Variants in SGCD observed in about 807,000 individuals in gnomAD.
SGCD encodes sarcoglycan delta, also known as delta-sarcoglycan.
A neutral mutation model predicts 36.6 loss-of-function variants in SGCD; 18 were observed. The observed-to-expected ratio is 0.49, with a 90% CI of 0.34 to 0.73. The LOEUF is 0.73. Among genes scored for constraint, SGCD ranks in the 30% least tolerant of loss-of-function variants. The probability of loss-of-function intolerance (pLI) is 0.01; values close to 1 mark genes in which losing one functional copy is unlikely to be tolerated. For missense variants in SGCD, 387 were observed against 346.7 expected (o/e 1.12, Z -0.92); for synonymous variants, 133 against 130.6 (o/e 1.02, Z -0.12).
chr5:156,687,286 G>A (rs1753938093), intron 7 of SGCD, among the ~76,000 whole-genome samples: 1 of 152,132 alleles, frequency 6.6e-6, no homozygotes, highest in Non-Finnish European at 1.5e-5. Context: ...ACAAATGTGG[G>A]GGGCTCAGAT....
At chr5:156,056,863 T>C (rs1287581029) in intron 1 of SGCD, among the ~76,000 whole-genome samples, 2 of 145,724 alleles carry the variant, frequency 1.4e-5, no homozygotes, top group African/African-American at 4.9e-5. Flanking sequence ...GAAAGTACTT[T>C]ATGAATCCTC....
At chr5:156,243,550 A>C (rs1405707113) in intron 3 of SGCD, among the ~76,000 whole-genome samples, 2 of 152,212 alleles carry the variant, frequency 1.3e-5, no homozygotes, top group Admixed American at 6.5e-5. Context: ...TGTTTTATAT[A>C]TATGTAGAAT....
chr5:156,369,563 C>T (rs1406401826), intron 3 of SGCD, among the ~76,000 whole-genome samples: 1 of 152,210 alleles, frequency 6.6e-6, no homozygotes, highest in Admixed American at 6.5e-5. Context: ...ATGTGCCTTG[C>T]ATTTCACTAT....
intron 1 of SGCD, among the ~76,000 whole-genome samples, chr5:155,994,544 G>A (rs1415202284): frequency 6.6e-6 from 1 of 152,140 alleles, no homozygotes; most frequent in Non-Finnish European, 1.5e-5. Context: ...TACTCTGAGT[G>A]GAAGAAGTTC....
chr5:156,234,401 A>G (rs1232470769), intron 3 of SGCD, among the ~76,000 whole-genome samples: 2 of 152,248 alleles, frequency 1.3e-5, no homozygotes, highest in Non-Finnish European at 2.9e-5. Flanking sequence ...CAGAACTTAA[A>G]TAAATATTTG....
intron 1 of SGCD, among the ~76,000 whole-genome samples, chr5:155,995,880 A>G (rs1758530667): frequency 6.6e-6 from 1 of 151,542 alleles, no homozygotes; most frequent in South Asian, 2.1e-4. Context: ...TCTGGGGATA[A>G]TGGGAAACTT....
At chr5:156,647,795 G>A (rs889587203) in intron 7 of SGCD, among the ~76,000 whole-genome samples, 1 of 152,130 alleles carries the variant, frequency 6.6e-6, no homozygotes, top group East Asian at 1.9e-4. Flanking sequence ...GTTATGTGCT[G>A]TATTTTGTGG....
At chr5:156,266,001 TA>T (rs1208367820) in intron 3 of SGCD, among the ~76,000 whole-genome samples, 1 of 152,192 alleles carries the variant, frequency 6.6e-6, no homozygotes, top group Non-Finnish European at 1.5e-5. Flanking sequence ...TATAGATATT[TA>T]GATCTGCAAA....
At chr5:156,207,335 G>A (rs530602878) in intron 3 of SGCD, among the ~76,000 whole-genome samples, 20 of 152,200 alleles carry the variant, frequency 1.3e-4, no homozygotes, top group African/African-American at 4.3e-4. Context: ...GCCCAGCACT[G>A]TACTTTATAA....
chr5:156,393,046 G>A (rs368986059), intron 3 of SGCD, among the ~76,000 whole-genome samples: 25 of 152,268 alleles, frequency 1.6e-4, no homozygotes, highest in African/African-American at 5.3e-4. Context: ...GCCCAGGGTT[G>A]GAGCCCTAGC....
At chr5:155,983,540 T>A (rs1479983462) in intron 1 of SGCD, among the ~76,000 whole-genome samples, 1 of 152,178 alleles carries the variant, frequency 6.6e-6, no homozygotes, top group African/African-American at 2.4e-5. Flanking sequence ...CCTCAGATGA[T>A]CTGCCTGCCT....
chr5:155,903,361 C>A (rs1468038850), intron 1 of SGCD, among the ~76,000 whole-genome samples: 3 of 152,160 alleles, frequency 2.0e-5, no homozygotes, highest in African/African-American at 4.8e-5. Flanking sequence ...TCTCATGGGG[C>A]AGAGATTTTT....
At chr5:155,896,196 G>T (rs1756253756) in intron 1 of SGCD, among the ~76,000 whole-genome samples, 1 of 152,168 alleles carries the variant, frequency 6.6e-6, no homozygotes, top group Non-Finnish European at 1.5e-5. Context: ...GAGAGAATGT[G>T]CTGGAATGGA....
Position 156,127,878 on chromosome 5 carries a change from A to C in SGCD, c.-44+3859A>C, listed in dbSNP as rs868435889. ...GCAAAAAAAAAAAAAAAAAAAAAAA[A>C]AACCCACCAGAGATCTCCTGGAACA... On this transcript the variant is annotated intron_variant, in intron 3 of 9. Transcript: ENST00000517913. Among the ~76,000 whole-genome samples, 472 of 144,796 alleles carry C rather than the reference A, an allele frequency of 3.3e-3. 3 individuals carry two copies. Among genetic ancestry groups the C allele is most frequent in the African/African-American group, 0.011 (450 of 39,282 alleles). The allele number at this position is 144,796 out of a possible 152,430, so 95.0% of individuals were successfully genotyped here.
chr5:155,863,569 C>T, the SGCD span, among the ~76,000 whole-genome samples: 1 of 138,338 alleles, frequency 7.2e-6, no homozygotes, highest in East Asian at 2.4e-4. Context: ...TTACCGTCCT[C>T]TGCCTGAAGT....
chr5:156,357,425 T>A, intron 3 of SGCD, among the ~76,000 whole-genome samples: 1 of 152,236 alleles, frequency 6.6e-6, no homozygotes, highest in East Asian at 1.9e-4. Context: ...AATGAATGTC[T>A]TATAAACAGT....
intron 3 of SGCD, among the ~76,000 whole-genome samples, chr5:156,269,470 A>AC (rs1491495229): frequency 7.6e-4 from 17 of 22,274 alleles, no homozygotes; most frequent in Middle Eastern, 0.015. Context: ...ACTCCGTCTC[A>AC]AAAAAAAAAA....
At chr5:156,456,346 A>G (rs950517903) in intron 3 of SGCD, among the ~76,000 whole-genome samples, 2 of 152,204 alleles carry the variant, frequency 1.3e-5, no homozygotes, top group African/African-American at 2.4e-5. Flanking sequence ...GTGTATCATC[A>G]TGAACAGATG....
chr5:156,203,387 C>T (rs1037511417), intron 3 of SGCD, among the ~76,000 whole-genome samples: 4 of 152,036 alleles, frequency 2.6e-5, no homozygotes, highest in African/African-American at 9.7e-5. Context: ...GGCATTGTTC[C>T]TATGTAGTTC....
Sources: allele counts gnomAD v4.1 joint callset (sites outside exome capture counted in the v4.1 genomes callset), GRCh38; gene constraint gnomAD v4.1.1; transcripts MANE v1.5; gene names NCBI Gene and HGNC (gene_info 2026-07-23, HGNC 2026-07-21).